The following TSHZ3 variants were observed in gnomAD, a reference collection of about 807,000 sequenced individuals.
The protein encoded by TSHZ3 is teashirt homolog 3.
In TSHZ3, 10 loss-of-function variants were observed where a neutral mutation model predicts 64.5. The ratio of observed to expected loss-of-function variants is 0.16; its 90% CI spans 0.10 to 0.26. The LOEUF (loss-of-function observed/expected upper bound fraction) is 0.26. TSHZ3 is among the 10% of genes least tolerant of loss of function. TSHZ3 has a pLI of 1.00. For synonymous variants in TSHZ3, 608 were observed against 593.1 expected (o/e 1.03, Z -0.36); for missense variants, 1,242 against 1,421.7 (o/e 0.87, Z 2.03).
Position 31,258,942 on chromosome 19 carries a change from G to C in TSHZ3, n.64-16067C>G, listed in dbSNP as rs533216956. On this transcript the variant is annotated intron_variant and non_coding_transcript_variant, in intron 1 of 6. Transcript: ENST00000651361. ...TCCTCTGTGAGTCCCGGCAGGTCTGGGATCCATGCCCCGGCCCGCCTTCTC... is the reference window on the plus strand; with the variant it reads ...TCCTCTGTGAGTCCCGGCAGGTCTGCGATCCATGCCCCGGCCCGCCTTCTC... Among the ~76,000 whole-genome samples, 7 of 152,316 alleles carry C rather than the reference G, an allele frequency of 4.6e-5. No homozygotes were observed. In the East Asian group the frequency reaches 1.3e-3, roughly 29 times the overall value.
intron 1 of TSHZ3, among the ~76,000 whole-genome samples, chr19:31,327,287 T>C (rs1358847726): frequency 2.6e-5 from 4 of 152,232 alleles, no homozygotes; most frequent in African/African-American, 7.2e-5. Context: ...CTGCACATTT[T>C]TGAACAGCGA....
chr19:31,229,551 G>A (rs1975512739), intron 3 of TSHZ3, among the ~76,000 whole-genome samples: 1 of 152,134 alleles, frequency 6.6e-6, no homozygotes, highest in Non-Finnish European at 1.5e-5. Flanking sequence ...GGAAATATAG[G>A]TGCATGTTTA....
At chr19:31,171,103 G>T (rs1488620053) in intron 5 of TSHZ3, among the ~76,000 whole-genome samples, 1 of 152,114 alleles carries the variant, frequency 6.6e-6, no homozygotes, top group East Asian at 1.9e-4. Flanking sequence ...TCTCAGTAAA[G>T]AAAAATGTAC....
rs1202835282 is a variant in TSHZ3 at position 31,341,288 on chromosome 19, T to C, written c.40+7892A>G. 9.9e-5 allele frequency among the ~76,000 whole-genome samples: 15 copies of C among 152,186 alleles called. No homozygotes were observed. The East Asian group carries it at 1.9e-3, about 20-fold the overall frequency. On this transcript the variant is annotated intron_variant, in intron 1 of 1. Coordinates refer to ENST00000240587, the MANE Select transcript of TSHZ3 (RefSeq NM_020856.4). ...CAAAGAGTAATGTACATAATGTACA[T>C]GTGTTTCAGAAGCATCCCACAAGTA...
intron 4 of TSHZ3, among the ~76,000 whole-genome samples, chr19:31,205,938 G>T (rs977626401): frequency 1.3e-5 from 2 of 152,194 alleles, no homozygotes; most frequent in Non-Finnish European, 2.9e-5. Flanking sequence ...TACATGGTTG[G>T]CTGGATGGAG....
At chr19:31,220,316 A>G (rs1461964787) in intron 4 of TSHZ3, among the ~76,000 whole-genome samples, 1 of 152,208 alleles carries the variant, frequency 6.6e-6, no homozygotes, top group Admixed American at 6.5e-5. Flanking sequence ...ATTGAAATCC[A>G]GTTATCTGTC....
At chr19:31,167,728 G>A (rs1424204704) in intron 5 of TSHZ3, 1 of 152,206 alleles carries the variant, frequency 6.6e-6, no homozygotes, top group Non-Finnish European at 1.5e-5. Context: ...TGAACACAGA[G>A]TCATTAAAGG....
At chr19:31,170,805 C>T (rs780477974) in intron 5 of TSHZ3, among the ~76,000 whole-genome samples, 8 of 152,104 alleles carry the variant, frequency 5.3e-5, no homozygotes, top group Non-Finnish European at 5.9e-5. Context: ...ATTTTCTTTC[C>T]ATTATCACCC....
intron 1 of TSHZ3, among the ~76,000 whole-genome samples, chr19:31,299,691 G>A: frequency 6.6e-6 from 1 of 152,072 alleles, no homozygotes; most frequent in East Asian, 1.9e-4. Flanking sequence ...TAGCAAGGGG[G>A]CTCAAACGCT....
intron 5 of TSHZ3, among the ~76,000 whole-genome samples, chr19:31,168,190 C>T (rs1974482980): frequency 6.6e-6 from 1 of 151,928 alleles, no homozygotes; most frequent in African/African-American, 2.4e-5. Context: ...TTTATGCATG[C>T]CATTGTTGCT....
chr19:31,237,886 CA>C (rs1226078043), intron 3 of TSHZ3, among the ~76,000 whole-genome samples: 7 of 151,984 alleles, frequency 4.6e-5, no homozygotes, highest in African/African-American at 1.7e-4. Flanking sequence ...TGTTTTATTC[CA>C]AAATGTTTAG....
chr19:31,238,255 ATT>A lies in TSHZ3; in HGVS notation n.550+4012_550+4013del, dbSNP rs372232422. On this transcript the variant is annotated intron_variant and non_coding_transcript_variant, in intron 3 of 6. Transcript: ENST00000651361. ...ATTTCTGTTAATGTTTCCTTCGTGAATTTTTTTTTTTTTTTTTTGAGACAGAC... is the reference window on the plus strand; with the variant it reads ...ATTTCTGTTAATGTTTCCTTCGTGAATTTTTTTTTTTTTTTTGAGACAGAC... Among the ~76,000 whole-genome samples the A allele has an allele frequency of 7.1e-4, 96 of 134,528 alleles. No homozygotes were observed. In the South Asian group the frequency reaches 0.019, roughly 26 times the overall value. 88.3% of individuals were successfully genotyped at this position (134,528 alleles called of 152,430 possible). A position where few individuals can be genotyped will look rare whatever the true frequency, so the allele number is the denominator to read the frequency against.
intron 3 of TSHZ3, among the ~76,000 whole-genome samples, chr19:31,239,810 T>G (rs1975666060): frequency 6.6e-6 from 1 of 152,158 alleles, no homozygotes. Flanking sequence ...CTTGGACTCC[T>G]GAGTTCAAGT....
At chr19:31,224,126 T>C (rs1599591929) in intron 4 of TSHZ3, among the ~76,000 whole-genome samples, 1 of 152,218 alleles carries the variant, frequency 6.6e-6, no homozygotes, top group African/African-American at 2.4e-5. Context: ...CACGGAGATA[T>C]AACTTTTGCT....
chr19:31,260,096 T>C (rs1033398590), intron 1 of TSHZ3, among the ~76,000 whole-genome samples: 1 of 152,176 alleles, frequency 6.6e-6, no homozygotes, highest in Admixed American at 6.5e-5. Context: ...ATGGGCCTCC[T>C]GCAGGCTCAG....
chr19:31,261,409 T>G (rs1975982228), intron 1 of TSHZ3, among the ~76,000 whole-genome samples: 1 of 152,206 alleles, frequency 6.6e-6, no homozygotes, highest in Admixed American at 6.5e-5. Flanking sequence ...GGGGTGGCCT[T>G]GGAGGGACAG....
At chr19:31,249,598 C>T (rs1286365855) in intron 1 of TSHZ3, among the ~76,000 whole-genome samples, 1 of 152,174 alleles carries the variant, frequency 6.6e-6, no homozygotes, top group Admixed American at 6.5e-5. Flanking sequence ...AATTGAATTC[C>T]TCAGGCAGTT....
intron 1 of TSHZ3, among the ~76,000 whole-genome samples, chr19:31,312,276 C>A (rs11879852): frequency 0.094 from 14,251 of 152,274 alleles, 787 homozygotes; most frequent in Middle Eastern, 0.33. Context: ...AAGCACAGAA[C>A]CACAAAAGAA....
downstream of TSHZ3, among the ~76,000 whole-genome samples, chr19:31,272,070 T>TA (rs200030401): frequency 6.6e-6 from 1 of 152,208 alleles, no homozygotes; most frequent in Admixed American, 6.5e-5. Flanking sequence ...TGGATTTATT[T>TA]AAAAAAATTT....
Sources: allele counts gnomAD v4.1 joint callset (sites outside exome capture counted in the v4.1 genomes callset), GRCh38; gene constraint gnomAD v4.1.1; transcripts MANE v1.5; gene names NCBI Gene and HGNC (gene_info 2026-07-23, HGNC 2026-07-21).